FRMPD2: variants seen among roughly 807,000 people sequenced by gnomAD.
The protein encoded by FRMPD2 is FERM and PDZ domain containing 2.
FRMPD2 carries 96 observed loss-of-function variants against 140.1 expected under a neutral mutation model. That is an observed-to-expected ratio of 0.69 (90% CI 0.58 to 0.81). The LOEUF (loss-of-function observed/expected upper bound fraction) is 0.81, where lower values mean the gene tolerates loss of function less well. Among genes scored for constraint, FRMPD2 ranks in the 40% least tolerant of loss-of-function variants. The probability of loss-of-function intolerance (pLI) is 0.00; values close to 1 mark genes in which losing one functional copy is unlikely to be tolerated. For synonymous variants in FRMPD2, 449 were observed against 547.6 expected, an observed-to-expected ratio of 0.82 and a Z score of 2.52; for missense variants, 1,240 against 1,447.4, an observed-to-expected ratio of 0.86 and a Z score of 2.32.
chr10:48,234,663 G>A (rs945355893), intron 9 of FRMPD2, among the ~76,000 whole-genome samples: 3 of 152,142 alleles, frequency 2.0e-5, no homozygotes, highest in Non-Finnish European at 4.4e-5. Flanking sequence ...CCAGGTAAGG[G>A]ACAGAGGTCT....
intron 7 of FRMPD2, 152 bp from the exon 8 acceptor site, chr10:48,238,275 T>C: frequency 1.2e-6 from 1 of 809,726 alleles, no homozygotes; most frequent in Non-Finnish European, 1.9e-6. Context: ...ATATCCATTT[T>C]TCAAGTGGGG....
chr10:48,230,189 G>A (rs1279726158), intron 10 of FRMPD2, among the ~76,000 whole-genome samples: 1 of 152,048 alleles, frequency 6.6e-6, no homozygotes, highest in Non-Finnish European at 1.5e-5. Context: ...ATACTCTTGT[G>A]AACAAAATTA....
chr10:48,206,890 A>C lies in FRMPD2; in HGVS notation c.1655T>G (p.Val552Gly). 6.2e-7 allele frequency: 1 copy of C among 1,614,008 alleles called. No homozygotes were observed. Residue 552 changes from valine to glycine, a missense_variant, in exon 14 of 29, where the codon GTA (valine) becomes GGA (glycine). Coordinates refer to ENST00000374201, the MANE Select transcript of FRMPD2 (RefSeq NM_001018071.4). ...LPEYGVLVHQ[V>G]FSEKRRPEEE... ...TTCTGGCCTCCTCTTCTCTGAGAAT[A>C]CTTGGTGAACCAGCACACCGTATTC...
At chr10:48,217,090 CAGGAGA>C (rs940134594) in intron 12 of FRMPD2, among the ~76,000 whole-genome samples, 1 of 152,162 alleles carries the variant, frequency 6.6e-6, no homozygotes, top group African/African-American at 2.4e-5. Context: ...AGGGTAGTCC[CAGGAGA>C]GGGGACAGAG....
intron 10 of FRMPD2, among the ~76,000 whole-genome samples, chr10:48,229,879 A>T (rs1170559412): frequency 6.6e-6 from 1 of 152,170 alleles, no homozygotes; most frequent in Non-Finnish European, 1.5e-5. Flanking sequence ...AAGGAGGTTC[A>T]CAGAAAGGAT....
At chr10:48,196,249 A>G (rs917355951) in intron 15 of FRMPD2, among the ~76,000 whole-genome samples, 9 of 152,290 alleles carry the variant, frequency 5.9e-5, no homozygotes, top group Admixed American at 5.9e-4. Context: ...CTGAGTGGGA[A>G]GTGTCTGGCA....
At chr10:48,202,827 G>T (rs1427907570) in intron 14 of FRMPD2, among the ~76,000 whole-genome samples, 1 of 152,044 alleles carries the variant, frequency 6.6e-6, no homozygotes, top group African/African-American at 2.4e-5. Context: ...TTGAGACAGG[G>T]TTTCGCTCTG....
intron 20 of FRMPD2, among the ~76,000 whole-genome samples, chr10:48,182,130 C>T (rs913555638): frequency 2.6e-5 from 4 of 152,030 alleles, no homozygotes; most frequent in African/African-American, 9.7e-5. Flanking sequence ...TTAAATAAAT[C>T]TGATTTAATG....
chr10:48,185,456 G>A, intron 18 of FRMPD2, 97 bp downstream of exon 18: 1 of 820,140 alleles, frequency 1.2e-6, no homozygotes, highest in Non-Finnish European at 2.2e-6. Flanking sequence ...GGAGGGATAG[G>A]AAAGGGGAGT....
At chr10:48,253,868 C>G (rs1840437871) in intron 1 of FRMPD2, among the ~76,000 whole-genome samples, 1 of 152,078 alleles carries the variant, frequency 6.6e-6, no homozygotes, top group Admixed American at 6.5e-5. Flanking sequence ...TTAAAAGGAG[C>G]ATCCAACATC....
At chr10:48,224,156 C>A (rs1393541307) in intron 10 of FRMPD2, among the ~76,000 whole-genome samples, 2 of 152,174 alleles carry the variant, frequency 1.3e-5, no homozygotes, top group Non-Finnish European at 2.9e-5. Flanking sequence ...TCCAGTACCC[C>A]TGGGAGGGAG....
At chr10:48,224,200 C>G (rs1839672768) in intron 10 of FRMPD2, among the ~76,000 whole-genome samples, 3 of 152,114 alleles carry the variant, frequency 2.0e-5, no homozygotes, top group Admixed American at 2.0e-4. Context: ...AGGCCCCTCC[C>G]CCACCCCTCT....
At position 48,164,058 on chromosome 10, in the gene FRMPD2, C is replaced by G. The variant is rs1285701360; in HGVS notation, c.3538-387G>C. Reference sequence around the variant, plus strand: ...AGGGCTTGTCTCCCTGTCTCCACCCCCATCAAGGTGATGTTCTTTCCTGGG... The same window carrying G: ...AGGGCTTGTCTCCCTGTCTCCACCCGCATCAAGGTGATGTTCTTTCCTGGG... On this transcript the variant is annotated intron_variant, in intron 27 of 28. Coordinates refer to ENST00000374201, the MANE Select transcript of FRMPD2 (RefSeq NM_001018071.4). Among the ~76,000 whole-genome samples, 6 of 150,866 alleles carry G rather than the reference C, an allele frequency of 4.0e-5. No individual in the cohort carries two copies. In the South Asian group the frequency reaches 6.3e-4, roughly 16 times the overall value.
intron 21 of FRMPD2, chr10:48,178,755 T>G (rs189794620): frequency 2.6e-5 from 4 of 153,468 alleles, no homozygotes; most frequent in Non-Finnish European, 5.8e-5. Flanking sequence ...CTCTCAGGTT[T>G]GCCACCAAAG....
intron 10 of FRMPD2, among the ~76,000 whole-genome samples, chr10:48,231,050 A>G (rs904422725): frequency 1.3e-5 from 2 of 152,110 alleles, no homozygotes; most frequent in Non-Finnish European, 2.9e-5. Flanking sequence ...TTTTACATCA[A>G]CTCCTACTTG....
chr10:48,187,105 CA>C, intron 17 of FRMPD2, 86 bp downstream of exon 17: 1 of 800,466 alleles, frequency 1.2e-6, no homozygotes, highest in Non-Finnish European at 2.0e-6. Context: ...GTGTGGGAAG[CA>C]AAAATAAGTG....
At chr10:48,192,982 C>G (rs1466132191) in intron 15 of FRMPD2, 88 bp from the exon 16 acceptor site, 3 of 937,602 alleles carry the variant, frequency 3.2e-6, no homozygotes, top group Non-Finnish European at 3.4e-6. Flanking sequence ...TATCACTGGG[C>G]CCCCGCTCTC....
intron 9 of FRMPD2, among the ~76,000 whole-genome samples, chr10:48,232,818 C>T (rs1839882296): frequency 1.3e-5 from 2 of 152,220 alleles, no homozygotes. Context: ...AGAAATGGGT[C>T]GGCAGAGCCA....
chr10:48,170,784 G>A, intron 26 of FRMPD2, among the ~76,000 whole-genome samples: 1 of 151,608 alleles, frequency 6.6e-6, no homozygotes, highest in Non-Finnish European at 1.5e-5. Flanking sequence ...CCAGTGAGAA[G>A]CAAGGCTGAC....
Sources: gnomAD v4.1 joint callset for allele counts (sites outside exome capture counted in the v4.1 genomes callset) on GRCh38, gnomAD v4.1.1 for gene constraint, MANE v1.5 for transcripts, NCBI Gene and HGNC (gene_info 2026-07-23, HGNC 2026-07-21) for gene names.